The following UBE2E1 variants were observed in gnomAD, a reference collection of about 807,000 sequenced individuals.
UBE2E1 encodes ubiquitin conjugating enzyme E2 E1, also known as ubiquitin-conjugating enzyme E2 E1.
UBE2E1 carries 6 observed loss-of-function variants against 21.4 expected under a neutral mutation model. That is an observed-to-expected ratio of 0.28 (90% confidence interval 0.15 to 0.55). The LOEUF is 0.55. UBE2E1 is among the 20% of genes least tolerant of loss of function. The probability of loss-of-function intolerance (pLI) is 0.93; values close to 1 mark genes in which losing one functional copy is unlikely to be tolerated. For synonymous variants in UBE2E1, 87 were observed against 82.7 expected (o/e 1.05, Z -0.28); for missense variants, 142 against 236.5 (o/e 0.60, Z 2.62).
intron 3 of UBE2E1, among the ~76,000 whole-genome samples, chr3:23,869,587 T>C (rs1437963646): frequency 1.3e-5 from 2 of 151,764 alleles, no homozygotes; most frequent in African/African-American, 2.4e-5. Context: ...GAAGAAAAGA[T>C]AGTCAATAAA....
At chr3:23,880,880 G>A (rs1043617785) in intron 3 of UBE2E1, among the ~76,000 whole-genome samples, 6 of 152,188 alleles carry the variant, frequency 3.9e-5, no homozygotes, top group Non-Finnish European at 8.8e-5. Flanking sequence ...TACCTCAAAT[G>A]ATTTGTAGTA....
At chr3:23,880,691 A>C (rs879306679) in intron 3 of UBE2E1, among the ~76,000 whole-genome samples, 2 of 152,252 alleles carry the variant, frequency 1.3e-5, no homozygotes, top group African/African-American at 2.4e-5. Flanking sequence ...GTAGTCTGTA[A>C]TAAGTCTGTA....
At chr3:23,811,107 C>T (rs1212609269) in intron 2 of UBE2E1, 4 of 269,834 alleles carry the variant, frequency 1.5e-5, no homozygotes, top group African/African-American at 8.6e-5. Context: ...GTGATCTCTC[C>T]GTGCTGGGGA....
intron 3 of UBE2E1, among the ~76,000 whole-genome samples, chr3:23,819,538 A>T (rs995480289): frequency 1.3e-5 from 2 of 152,226 alleles, no homozygotes; most frequent in African/African-American, 4.8e-5. Flanking sequence ...GTTCTTTCCC[A>T]GCAGACTTTA....
chr3:23,849,082 T>C (rs1364543659), intron 3 of UBE2E1, among the ~76,000 whole-genome samples: 6 of 152,264 alleles, frequency 3.9e-5, no homozygotes, highest in Non-Finnish European at 5.9e-5. Flanking sequence ...TGAACATTCA[T>C]GTGCAAGTTT....
chr3:23,822,739 A>C (rs1220127966), intron 3 of UBE2E1, among the ~76,000 whole-genome samples: 1 of 152,196 alleles, frequency 6.6e-6, no homozygotes, highest in Non-Finnish European at 1.5e-5. Context: ...TTCAAGCTGG[A>C]GAATGCACTA....
chr3:23,840,548 C>T (rs1700063790), intron 3 of UBE2E1, among the ~76,000 whole-genome samples: 1 of 152,186 alleles, frequency 6.6e-6, no homozygotes, highest in Non-Finnish European at 1.5e-5. Flanking sequence ...TTTTACCATT[C>T]ACTGAGGCAT....
Position 23,817,213 on chromosome 3 carries a change from C to A in UBE2E1, c.203+5703C>A, listed in dbSNP as rs148090481. ...ATCCCAGCACTTTGGGAGGCCAAGG[C>A]GGGTAGATCACCTGAGGTCAGCAGT... On this transcript the variant is annotated intron_variant, in intron 3 of 5. Transcript: ENST00000306627. Among the ~76,000 whole-genome samples, 9 of 152,084 alleles carry A rather than the reference C, an allele frequency of 5.9e-5. No individual in the cohort carries two copies. In the East Asian group the frequency reaches 1.7e-3, roughly 29 times the overall value.
At chr3:23,813,803 A>C (rs1244191523) in intron 3 of UBE2E1, among the ~76,000 whole-genome samples, 1 of 152,210 alleles carries the variant, frequency 6.6e-6, no homozygotes, top group Non-Finnish European at 1.5e-5. Flanking sequence ...GGCCTCCCAA[A>C]GTGCTGGGGT....
At chr3:23,846,990 G>A (rs544417277) in intron 3 of UBE2E1, among the ~76,000 whole-genome samples, 5 of 152,190 alleles carry the variant, frequency 3.3e-5, no homozygotes, top group East Asian at 3.9e-4. Flanking sequence ...GTTATTACAC[G>A]TTTTAAGAAG....
chr3:23,828,425 A>G (rs889929810), intron 3 of UBE2E1, among the ~76,000 whole-genome samples: 1 of 152,274 alleles, frequency 6.6e-6, no homozygotes, highest in African/African-American at 2.4e-5. Context: ...CAGTATACTT[A>G]GTGATTAAAA....
rs1293360539 is a variant in UBE2E1 at position 23,807,346 on chromosome 3, C to G, written c.77C>G (p.Thr26Arg). The G allele has an allele frequency of 1.9e-6, 3 of 1,613,988 alleles. No homozygotes were observed. Among genetic ancestry groups the G allele is most frequent in the Admixed American group, 3.3e-5 (2 of 59,982 alleles). ...TCCAACCAGCAAACCGAGAAAGAAACAAACACCCCCAAGAAGAAGGAGAGT... is the reference window on the plus strand; with the variant it reads ...TCCAACCAGCAAACCGAGAAAGAAAGAAACACCCCCAAGAAGAAGGAGAGT... The part of the protein sequence containing the change: ...SSSNQQTEKE[T>R]NTPKKKESKV... The change falls in exon 2 of 6, where the codon ACA becomes AGA. Residue 26 changes from threonine to arginine, a missense_variant. Around this residue, in one of 2 missense-constraint regions of UBE2E1, gnomAD observed 55 missense variants for 51.5 expected, o/e 1.07. Transcript: ENST00000306627.
chr3:23,889,844 C>A (rs1701318924), intron 5 of UBE2E1: 1 of 756,464 alleles, frequency 1.3e-6, no homozygotes, highest in Non-Finnish European at 1.6e-6. Context: ...GAGCCATGAG[C>A]ATGTCACTGC....
chr3:23,869,400 C>A (rs867908422), intron 3 of UBE2E1, among the ~76,000 whole-genome samples: 3 of 103,782 alleles, frequency 2.9e-5, no homozygotes, highest in African/African-American at 5.1e-5. Context: ...TTTATGTAGT[C>A]AGATCTGTTG....
chr3:23,878,607 T>C (rs1480412363), intron 3 of UBE2E1, among the ~76,000 whole-genome samples: 6 of 152,228 alleles, frequency 3.9e-5, no homozygotes, highest in Admixed American at 6.5e-5. Context: ...CTCCGCCTCC[T>C]GTCAGCTCAG....
chr3:23,835,693 TAA>T (rs1699962137), intron 3 of UBE2E1, among the ~76,000 whole-genome samples: 1 of 152,198 alleles, frequency 6.6e-6, no homozygotes, highest in South Asian at 2.1e-4. Flanking sequence ...TTATTCAAAA[TAA>T]AAAGTGAATC....
At chr3:23,824,890 C>T (rs773032682) in intron 3 of UBE2E1, among the ~76,000 whole-genome samples, 4 of 151,990 alleles carry the variant, frequency 2.6e-5, no homozygotes, top group South Asian at 2.1e-4. Context: ...TAACTTAAGC[C>T]GGAAAACAGT....
At chr3:23,850,201 A>G (rs1210658308) in intron 3 of UBE2E1, among the ~76,000 whole-genome samples, 4 of 152,124 alleles carry the variant, frequency 2.6e-5, no homozygotes, top group Non-Finnish European at 4.4e-5. Flanking sequence ...AGGTTTCACT[A>G]TATTGCCCAG....
chr3:23,807,529 G>C, intron 2 of UBE2E1, 108 bp downstream of exon 2: 1 of 1,379,686 alleles, frequency 7.2e-7, no homozygotes, highest in Non-Finnish European at 9.7e-7. Flanking sequence ...CATGGTTTAT[G>C]TGTTCTTAAA....
Sources: allele counts gnomAD v4.1 joint callset (sites outside exome capture counted in the v4.1 genomes callset), GRCh38; gene constraint gnomAD v4.1.1; regional missense constraint gnomAD v4.1.1; transcripts MANE v1.5; gene names NCBI Gene and HGNC (gene_info 2026-07-23, HGNC 2026-07-21).